The following SEZ6 variants were observed in gnomAD, a reference collection of about 807,000 sequenced individuals.
The protein encoded by SEZ6 is seizure related 6 homolog, also known as seizure protein 6 homolog.
Under a neutral mutation model 101.0 loss-of-function variants are expected in SEZ6, and 53 were observed. The ratio of observed to expected loss-of-function variants is 0.52; its 90% CI spans 0.42 to 0.66. SEZ6 has a LOEUF of 0.66. Ranked by LOEUF, SEZ6 falls within the 30% of genes least tolerant of loss-of-function variation. SEZ6 has a pLI of 0.00. For missense variants in SEZ6, 1,102 were observed against 1,289.4 expected (o/e 0.85, Z 2.23); for synonymous variants, 488 against 512.2 (o/e 0.95, Z 0.64).
At chr17:28,980,340 AG>A (rs2041282147) in intron 2 of SEZ6, among the ~76,000 whole-genome samples, 1 of 149,550 alleles carries the variant, frequency 6.7e-6, no homozygotes, top group Non-Finnish European at 1.5e-5. Flanking sequence ...CCGAGTAGCT[AG>A]GATTACAGGT....
chr17:28,994,528 C>T (rs2041509537), intron 1 of SEZ6, among the ~76,000 whole-genome samples: 1 of 152,188 alleles, frequency 6.6e-6, no homozygotes, highest in Non-Finnish European at 1.5e-5. Context: ...CCCGCCTCAG[C>T]CTCCCAAAGT....
chr17:28,998,889 G>T (rs1165939271), intron 1 of SEZ6, among the ~76,000 whole-genome samples: 1 of 152,174 alleles, frequency 6.6e-6, no homozygotes, highest in Non-Finnish European at 1.5e-5. Context: ...CTGTCCTTCT[G>T]GAGGCCAGAG....
chr17:28,989,864 T>G (rs1166419756), intron 1 of SEZ6, among the ~76,000 whole-genome samples: 1 of 152,152 alleles, frequency 6.6e-6, no homozygotes, highest in Non-Finnish European at 1.5e-5. Flanking sequence ...GGTCAGGAGT[T>G]CGAGACCAGC....
Position 29,005,036 on chromosome 17 carries a change from G to C in SEZ6, c.55+779C>G, listed in dbSNP as rs964634488. Among the ~76,000 whole-genome samples the C allele has an allele frequency of 9.9e-5, 15 of 152,044 alleles. No individual in the cohort carries two copies. Among genetic ancestry groups the C allele is most frequent in the Non-Finnish European group, 1.8e-4 (12 of 67,996 alleles). On this transcript the variant is annotated intron_variant, in intron 1 of 16. Coordinates refer to ENST00000317338, the MANE Select transcript of SEZ6 (RefSeq NM_178860.5). This position sits in a 1 kb window ranked among gnomAD's most constrained non-coding sequence, Gnocchi z 4.8. ...GCAGGTGGGGAGTGGACCAGGGCCG[G>C]GCAGGAAGGCAGGCCGGGAGGGAGG...
Position 28,956,440 on chromosome 17 carries a change from G to A in SEZ6, c.2759C>T (p.Thr920Ile), listed in dbSNP as rs980580727. 8.3e-6 allele frequency: 13 copies of A among 1,559,978 alleles called. No individual in the cohort carries two copies. The highest frequency in any genetic ancestry group is 1.7e-4 in the Middle Eastern group (1 of 6,010). ...DVAKAPAASS[T>I]LDAAHIAAAI... ...AGCTGCAATGTGGGCAGCATCCAGG[G>A]TGCTGGAGGCAGCAGGTGCCTTGGC... The change falls in exon 15 of 17, where the codon ACC becomes ATC. Residue 920 changes from threonine (T) to isoleucine (I), a missense_variant. Thr to Ile is a moderately conservative substitution (Grantham distance 89). Around this residue, in one of 3 missense-constraint regions of SEZ6, gnomAD observed 140 missense variants for 135.7 expected, o/e 1.03. Transcript: ENST00000317338.
chr17:28,959,390 A>T lies in SEZ6; in HGVS notation c.1854T>A (p.Asp618Glu). Residue 618 changes from aspartate to glutamate, a missense_variant, in exon 9 of 17, where the codon GAT (aspartate) becomes GAA (glutamate). Physicochemically the swap from Asp to Glu is conservative, Grantham distance 45. Around this residue, in one of 3 missense-constraint regions of SEZ6, gnomAD observed 556 missense variants for 735.1 expected, o/e 0.76. Transcript: ENST00000317338. This position sits in a 1 kb window ranked among gnomAD's most constrained non-coding sequence, Gnocchi z 4.4. ...CTTCCACATGCACACCCCAGATACA[A>T]TCCTGCCCACGACCGTAGGGCTCTG... Reference protein sequence around the residue: ...NWPEPYGRGQDCIWGVHVEED... With the variant: ...NWPEPYGRGQECIWGVHVEED... The T allele has an allele frequency of 6.2e-7, 1 of 1,613,736 alleles. No homozygotes were observed. Among genetic ancestry groups the T allele is most frequent in the South Asian group, 1.1e-5 (1 of 91,068 alleles).
rs2040867630 is a variant in SEZ6, at chr17:28,955,706, A to G, written c.*256T>C. 7.5e-6 allele frequency: 5 copies of G among 667,250 alleles called. No individual in the cohort carries two copies. The highest frequency in any genetic ancestry group is 3.0e-5 in the South Asian group (2 of 66,446). 41.3% of individuals were successfully genotyped at this position (667,250 alleles called of 1,614,324 possible). On this transcript the variant is annotated 3_prime_UTR_variant, in exon 17 of 17. Coordinates refer to ENST00000317338, the MANE Select transcript of SEZ6 (RefSeq NM_178860.5). ...GGCTGTTGATGCTTGTGCTCCAGCTATGTTCTTCCCACAGGTAGATGCCCC... is the reference window on the plus strand; with the variant it reads ...GGCTGTTGATGCTTGTGCTCCAGCTGTGTTCTTCCCACAGGTAGATGCCCC...
chr17:28,998,082 G>GAGGGAGGGAAGGAGAGAGGA (rs1176057472), intron 1 of SEZ6, among the ~76,000 whole-genome samples: 4 of 150,682 alleles, frequency 2.7e-5, no homozygotes, highest in African/African-American at 9.7e-5. Flanking sequence ...AGCTGGGAGG[G>GAGGGAGGGAAGGAGAGAGGA]AGGGAGGGAA....
rs1199173457 is a variant in SEZ6, at chr17:28,979,828, G to C, written c.725-15C>G. The C allele has an allele frequency of 2.5e-6, 4 of 1,601,682 alleles. No homozygotes were observed. The African/African-American group carries it at 4.0e-5, about 16-fold the overall frequency. On this transcript the variant is annotated splice_polypyrimidine_tract_variant and intron_variant, in intron 2 of 16. Coordinates refer to ENST00000317338, the MANE Select transcript of SEZ6 (RefSeq NM_178860.5). ...GCTACAAGGGCCTGGGAGGCAGGAG[G>C]AGACACAAAGCTAGTGCCAGCTCTG...
At chr17:28,991,615 C>A (rs192135131) in intron 1 of SEZ6, among the ~76,000 whole-genome samples, 8 of 152,272 alleles carry the variant, frequency 5.3e-5, no homozygotes, top group Admixed American at 6.5e-5. Flanking sequence ...TGAGGAAGAG[C>A]CCAGGGTGGG....
rs765853179 is a variant in SEZ6 at position 28,956,217 on chromosome 17, CG to C, written c.2893del (p.Arg965AlafsTer8). The C allele has an allele frequency of 3.6e-6, 4 of 1,122,388 alleles. No individual in the cohort carries two copies. Among genetic ancestry groups the C allele is most frequent in the Non-Finnish European group, 4.4e-6 (4 of 911,412 alleles). 69.5% of individuals were successfully genotyped at this position (1,122,388 alleles called of 1,614,324 possible). On this transcript the variant is annotated frameshift_variant, in exon 16 of 17. Transcript: ENST00000317338. LOFTEE classifies it high-confidence loss of function. The stretch of plus-strand genomic sequence containing the variant: ...CTCTATGGTAATGCGGTTGTAGGGG[CG>C]GGGGCGGGGGCGGGGCAGCTGCAGG... ...SSLQLPRPRP[R>X]PYNRITIESA...
intron 1 of SEZ6, among the ~76,000 whole-genome samples, chr17:28,992,519 A>G (rs751581552): frequency 2.6e-5 from 4 of 152,176 alleles, no homozygotes; most frequent in Non-Finnish European, 4.4e-5. Context: ...GGCTTCAAGC[A>G]GTCCCCAAGC....
chr17:28,958,700 G>A (rs971460576), intron 10 of SEZ6, among the ~76,000 whole-genome samples: 1 of 151,810 alleles, frequency 6.6e-6, no homozygotes, highest in Admixed American at 6.6e-5. Context: ...TGAGGCACGA[G>A]AATCGCTTGA....
chr17:28,986,452 G>C (rs1366070112), intron 1 of SEZ6, among the ~76,000 whole-genome samples: 1 of 152,226 alleles, frequency 6.6e-6, no homozygotes, highest in Non-Finnish European at 1.5e-5. Flanking sequence ...GTGTTTAGGG[G>C]AAGCCTTAAG....
chr17:28,960,930 G>A lies in SEZ6; in HGVS notation c.1284C>T (p.Ile428=), dbSNP rs964837119. Residue 428 remains isoleucine (I), a synonymous_variant, in exon 6 of 17, where the codon ATC becomes ATT. Coordinates refer to ENST00000317338, the MANE Select transcript of SEZ6 (RefSeq NM_178860.5). ...AGTTGCCCGGGAAGCCTGGAGAGAC[G>A]ATGCGGCCGGTGGTGGCATTGCGGA... ...GVIRNATTGR[I]VSPGFPGNYS... is the part of the protein sequence containing the mutation. The A allele has an allele frequency of 1.9e-6, 3 of 1,613,880 alleles. No homozygotes were observed. Among genetic ancestry groups the A allele is most frequent in the Non-Finnish European group, 2.5e-6 (3 of 1,179,850 alleles).
rs969740605 is a variant in SEZ6 at position 28,987,476 on chromosome 17, C to T, written c.56-5437G>A. The stretch of plus-strand genomic sequence containing the variant: ...CCATGCGCAACTGAAATAATTACCC[C>T]GACAGTGTCCAGCACCTGAGGCAGG... On this transcript the variant is annotated intron_variant, in intron 1 of 16. Transcript: ENST00000317338. Among the ~76,000 whole-genome samples the T allele has an allele frequency of 8.5e-5, 13 of 152,296 alleles. No homozygotes were observed. In the East Asian group the frequency reaches 1.2e-3, roughly 14 times the overall value.
intron 3 of SEZ6, among the ~76,000 whole-genome samples, chr17:28,973,848 G>A (rs1057057327): frequency 1.3e-5 from 2 of 152,218 alleles, no homozygotes; most frequent in Non-Finnish European, 2.9e-5. Context: ...GCCAGTGACA[G>A]GAGGGGACCT....
chr17:28,980,189 A>G (rs1310241326), intron 2 of SEZ6, among the ~76,000 whole-genome samples: 1 of 147,914 alleles, frequency 6.8e-6, no homozygotes, highest in Non-Finnish European at 1.5e-5. Flanking sequence ...CAGTAGCTCA[A>G]TGAGGTTTGT....
At chr17:28,987,085 GA>G (rs2041395419) in intron 1 of SEZ6, among the ~76,000 whole-genome samples, 1 of 152,198 alleles carries the variant, frequency 6.6e-6, no homozygotes, top group South Asian at 2.1e-4. Context: ...GAGCCTGAGG[GA>G]CAGGGCGGGC....
Sources: allele counts gnomAD v4.1 joint callset (sites outside exome capture counted in the v4.1 genomes callset), GRCh38; gene constraint gnomAD v4.1.1; regional missense constraint gnomAD v4.1.1; non-coding constraint Gnocchi (gnomAD v3.1); transcripts MANE v1.5; gene names NCBI Gene and HGNC (gene_info 2026-07-23, HGNC 2026-07-21).